Variants in PRKN observed in about 807,000 individuals in gnomAD.
PRKN encodes E3 ubiquitin-protein ligase parkin.
In PRKN, 56 loss-of-function variants were observed where a neutral mutation model predicts 59.5. That is an observed-to-expected ratio of 0.94 (90% CI 0.76 to 1.18). The LOEUF (loss-of-function observed/expected upper bound fraction) is 1.18. Ranked by LOEUF, PRKN falls within the 50% of genes most tolerant of loss-of-function variation. PRKN has a pLI of 0.00. For synonymous variants in PRKN, 250 were observed against 222.1 expected (o/e 1.13, Z -1.12); for missense variants, 657 against 596.4 (o/e 1.10, Z -1.06).
Position 162,671,843 on chromosome 6 carries a change from G to T in PRKN, c.7+55819C>A, listed in dbSNP as rs1027007954. Among the ~76,000 whole-genome samples the T allele has an allele frequency of 1.1e-4, 17 of 151,982 alleles. 1 individual carries two copies. Among genetic ancestry groups the T allele is most frequent in the Middle Eastern group, 6.3e-3 (2 of 316 alleles). On this transcript the variant is annotated intron_variant, in intron 1 of 11. Coordinates refer to ENST00000366898, the MANE Select transcript of PRKN (RefSeq NM_004562.3). ...TCAGATGTCAAATTGTACAGTCAAA[G>T]AATAAATGGAAATCAGGCAGGTGCT...
intron 2 of PRKN, among the ~76,000 whole-genome samples, chr6:162,395,190 C>G (rs1056104143): frequency 6.6e-6 from 1 of 152,152 alleles, no homozygotes; most frequent in Admixed American, 6.6e-5. Flanking sequence ...TAGCATAATA[C>G]CTTCCCACAA....
Position 161,576,842 on chromosome 6 carries a change from G to A in PRKN, c.872-7426C>T, listed in dbSNP as rs1042185900. ...GAATTGAGTTAATATGAGTTAGCTA[G>A]AGTGAAATGTATCAAAACAGGTAAA... is the stretch of plus-strand genomic sequence containing the variant. On this transcript the variant is annotated intron_variant, in intron 7 of 11. Coordinates refer to ENST00000366898, the MANE Select transcript of PRKN (RefSeq NM_004562.3). The surrounding 1 kb of genome is among the most constrained non-coding windows in gnomAD (Gnocchi z 4.6). Among the ~76,000 whole-genome samples the A allele has an allele frequency of 3.9e-5, 6 of 152,222 alleles. No individual in the cohort carries two copies. The highest frequency in any genetic ancestry group is 7.3e-5 in the Non-Finnish European group (5 of 68,046).
At chr6:162,673,294 C>T (rs544109161) in intron 1 of PRKN, among the ~76,000 whole-genome samples, 11 of 152,084 alleles carry the variant, frequency 7.2e-5, no homozygotes, top group South Asian at 4.1e-4. Context: ...ACAGAGGACA[C>T]GGTCAACAAG....
chr6:161,657,815 C>A (rs935555016), intron 7 of PRKN, among the ~76,000 whole-genome samples: 6 of 151,954 alleles, frequency 3.9e-5, no homozygotes, highest in Non-Finnish European at 8.8e-5. Context: ...CACTTTAGGC[C>A]AGGAGTTGGA....
intron 5 of PRKN, among the ~76,000 whole-genome samples, chr6:161,977,831 G>C (rs1027206196): frequency 6.6e-6 from 1 of 151,156 alleles, no homozygotes; most frequent in African/African-American, 2.4e-5. Context: ...GTACAGGTGT[G>C]AGCCACCACG....
chr6:162,604,175 A>T (rs995563057), intron 1 of PRKN, among the ~76,000 whole-genome samples: 2 of 152,194 alleles, frequency 1.3e-5, no homozygotes, highest in African/African-American at 4.8e-5. Flanking sequence ...CTCCTTGTAC[A>T]TGGCAAGTAC....
chr6:162,531,961 T>C (rs894498755), intron 1 of PRKN, among the ~76,000 whole-genome samples: 2 of 150,764 alleles, frequency 1.3e-5, no homozygotes, highest in African/African-American at 4.9e-5. Context: ...AAAAAAAATG[T>C]AACAAAACTT....
chr6:161,922,602 C>T (rs534693994), intron 6 of PRKN, among the ~76,000 whole-genome samples: 7 of 152,214 alleles, frequency 4.6e-5, no homozygotes, highest in African/African-American at 1.7e-4. Flanking sequence ...AATATAAGTA[C>T]ATGAGGTAAT....
chr6:162,644,500 G>T (rs2128225236), intron 1 of PRKN, among the ~76,000 whole-genome samples: 1 of 152,278 alleles, frequency 6.6e-6, no homozygotes, highest in Non-Finnish European at 1.5e-5. Flanking sequence ...ATATGTATCT[G>T]CAGCCTAAAG....
intron 6 of PRKN, among the ~76,000 whole-genome samples, chr6:161,793,568 G>T (rs1790722055): frequency 6.6e-6 from 1 of 151,304 alleles, no homozygotes; most frequent in African/African-American, 2.4e-5. Flanking sequence ...CTATAAAAGT[G>T]AACAAGAATG....
At chr6:162,375,772 C>T (rs569866364) in intron 2 of PRKN, among the ~76,000 whole-genome samples, 2 of 151,980 alleles carry the variant, frequency 1.3e-5, no homozygotes, top group South Asian at 2.1e-4. Flanking sequence ...CACAAACACA[C>T]ACCCCACTCT....
chr6:162,638,852 C>A lies in PRKN; in HGVS notation c.7+88810G>T, dbSNP rs568078637. 4.7e-5 allele frequency among the ~76,000 whole-genome samples: 7 copies of A among 148,922 alleles called. 1 individual carries two copies. The South Asian group carries it at 1.5e-3, about 32-fold the overall frequency. Reference sequence around the variant, plus strand: ...CTCTGCCTCCCGGGTTCAAGCGATTCTCCTGCCTCGGCCTCCCAAATAGTT... The same window carrying A: ...CTCTGCCTCCCGGGTTCAAGCGATTATCCTGCCTCGGCCTCCCAAATAGTT... On this transcript the variant is annotated intron_variant, in intron 1 of 11. Transcript: ENST00000366898.
chr6:162,501,529 T>TTA (rs1793375471), intron 1 of PRKN, among the ~76,000 whole-genome samples: 2 of 151,462 alleles, frequency 1.3e-5, no homozygotes, highest in African/African-American at 4.8e-5. Flanking sequence ...TTTTTTTTTT[T>TTA]TTTATTAGTA....
At chr6:162,359,823 G>A (rs1438542358) in intron 2 of PRKN, among the ~76,000 whole-genome samples, 1 of 151,986 alleles carries the variant, frequency 6.6e-6, no homozygotes, top group African/African-American at 2.4e-5. Flanking sequence ...TTTAGTTAAG[G>A]GTTGGCTAAA....
chr6:161,568,273 G>A (rs1780727905), intron 8 of PRKN, among the ~76,000 whole-genome samples: 2 of 152,192 alleles, frequency 1.3e-5, no homozygotes, highest in South Asian at 4.1e-4. Context: ...GGTCAAAGTT[G>A]GCAGAGACAA....
At chr6:161,843,721 C>G (rs533342304) in intron 6 of PRKN, among the ~76,000 whole-genome samples, 1 of 152,134 alleles carries the variant, frequency 6.6e-6, no homozygotes, top group East Asian at 1.9e-4. Context: ...ACCTGGGAGG[C>G]GGAGGTTAGA....
intron 5 of PRKN, among the ~76,000 whole-genome samples, chr6:161,994,903 A>G (rs1420723332): frequency 1.3e-5 from 2 of 151,250 alleles, no homozygotes; most frequent in Non-Finnish European, 3.0e-5. Context: ...CAAAATAACA[A>G]TATCATTCTT....
intron 9 of PRKN, among the ~76,000 whole-genome samples, chr6:161,434,277 T>C (rs1323236917): frequency 1.3e-5 from 2 of 151,902 alleles, no homozygotes; most frequent in African/African-American, 4.8e-5. Context: ...AACATTGCCA[T>C]AGATCATAGG....
At position 161,445,829 on chromosome 6, in the gene PRKN, C is replaced by CCTTCT. The variant is rs1222191692; in HGVS notation, c.1084-58953_1084-58952insAGAAG. Among the ~76,000 whole-genome samples the CCTTCT allele has an allele frequency of 1.1e-3, 167 of 152,044 alleles. 4 individuals carry two copies. The highest frequency in any genetic ancestry group is 1.9e-3 in the Non-Finnish European group (129 of 67,940). On this transcript the variant is annotated intron_variant, in intron 9 of 11. Transcript: ENST00000366898. The surrounding 1 kb of genome is among the most constrained non-coding windows in gnomAD (Gnocchi z 7.7). ...CCTTCCCTTCCCTTCCCTTCCCTTCCCTTCCCTATCGACAGCCTTGCAGGG... is the reference window on the plus strand; with the variant it reads ...CCTTCCCTTCCCTTCCCTTCCCTTCCCTTCTCTTCCCTATCGACAGCCTTGCAGGG...
Sources: allele counts gnomAD v4.1 joint callset (sites outside exome capture counted in the v4.1 genomes callset), GRCh38; gene constraint gnomAD v4.1.1; non-coding constraint Gnocchi (gnomAD v3.1); transcripts MANE v1.5; gene names NCBI Gene and HGNC (gene_info 2026-07-23, HGNC 2026-07-21).